Variants in NEGR1 observed in about 807,000 individuals in gnomAD.
NEGR1 encodes the protein IgLON family member 4.
Under a neutral mutation model 40.9 loss-of-function variants are expected in NEGR1, and 10 were observed. That is an observed-to-expected ratio of 0.24 (90% CI 0.15 to 0.42). NEGR1 has a LOEUF of 0.42. Among genes scored for constraint, NEGR1 ranks in the 10% least tolerant of loss-of-function variants. The pLI is 1.00. For synonymous variants in NEGR1, 185 were observed against 166.8 expected, an observed-to-expected ratio of 1.11 and a Z score of -0.84; for missense variants, 352 against 438.9, an observed-to-expected ratio of 0.80 and a Z score of 1.77.
intron 1 of NEGR1, among the ~76,000 whole-genome samples, chr1:71,939,791 T>G (rs954858093): frequency 6.6e-6 from 1 of 152,148 alleles, no homozygotes; most frequent in African/African-American, 2.4e-5. Context: ...TCCGAAACCC[T>G]TTTAAACCAT....
chr1:72,254,968 ATGTC>A (rs1464102151), intron 1 of NEGR1, among the ~76,000 whole-genome samples: 1 of 152,130 alleles, frequency 6.6e-6, no homozygotes, highest in Non-Finnish European at 1.5e-5. Flanking sequence ...AAATTTATAT[ATGTC>A]TATCTACATT....
chr1:71,469,061 T>A (rs545990782), intron 6 of NEGR1, among the ~76,000 whole-genome samples: 15 of 152,186 alleles, frequency 9.9e-5, no homozygotes, highest in African/African-American at 3.6e-4. Flanking sequence ...TTCAAAGTGC[T>A]ATAGTTATTT....
intron 2 of NEGR1, among the ~76,000 whole-genome samples, chr1:71,787,494 A>C (rs1210874042): frequency 1.3e-5 from 2 of 152,206 alleles, no homozygotes; most frequent in African/African-American, 4.8e-5. Flanking sequence ...AGCAGCTACC[A>C]CTGATAATTT....
At chr1:71,414,785 G>C (rs1243475019) in intron 6 of NEGR1, among the ~76,000 whole-genome samples, 1 of 152,086 alleles carries the variant, frequency 6.6e-6, no homozygotes, top group Admixed American at 6.6e-5. Context: ...CATGTGGTAG[G>C]GACCAATGTA....
At chr1:71,589,839 T>A (rs1224708793) in intron 6 of NEGR1, among the ~76,000 whole-genome samples, 1 of 152,086 alleles carries the variant, frequency 6.6e-6, no homozygotes, top group Non-Finnish European at 1.5e-5. Flanking sequence ...TTTGTATCAT[T>A]CCCTTGTTAA....
At chr1:72,262,407 CA>C (rs1557603576) in intron 1 of NEGR1, among the ~76,000 whole-genome samples, 1 of 151,974 alleles carries the variant, frequency 6.6e-6, no homozygotes, top group Non-Finnish European at 1.5e-5. Flanking sequence ...GAGAAGAATA[CA>C]CAGGGTTCAT....
chr1:71,801,746 CA>C (rs1466152937), intron 2 of NEGR1, among the ~76,000 whole-genome samples: 8 of 152,136 alleles, frequency 5.3e-5, no homozygotes, highest in African/African-American at 1.9e-4. Flanking sequence ...CTAATAAAAT[CA>C]ATCAGATTGC....
At chr1:71,914,838 C>T (rs536126448) in intron 2 of NEGR1, among the ~76,000 whole-genome samples, 1 of 151,978 alleles carries the variant, frequency 6.6e-6, no homozygotes, top group South Asian at 2.1e-4. Context: ...ATGTTGTTTC[C>T]CTTTTCAGTG....
chr1:72,163,072 A>C (rs1163865199), intron 1 of NEGR1, among the ~76,000 whole-genome samples: 1 of 152,150 alleles, frequency 6.6e-6, no homozygotes, highest in East Asian at 1.9e-4. Flanking sequence ...CATGTATAAC[A>C]TTTATTAAAT....
chr1:71,523,619 A>G (rs1647179936), intron 6 of NEGR1, among the ~76,000 whole-genome samples: 1 of 151,910 alleles, frequency 6.6e-6, no homozygotes. Flanking sequence ...GACCAGGCAG[A>G]GTCCAAGCAT....
At chr1:71,992,616 CTT>C (rs1491298670) in intron 1 of NEGR1, among the ~76,000 whole-genome samples, 2 of 152,148 alleles carry the variant, frequency 1.3e-5, no homozygotes, top group African/African-American at 4.8e-5. Context: ...TATATGCAGT[CTT>C]TGAAATCTGG....
intron 2 of NEGR1, among the ~76,000 whole-genome samples, chr1:71,799,994 G>A (rs12122691): frequency 0.7 from 106,086 of 152,086 alleles, 40,999 homozygotes; most frequent in Non-Finnish European, 0.85. Context: ...TTACATGTGT[G>A]AGCCACTGCA....
intron 2 of NEGR1, among the ~76,000 whole-genome samples, chr1:71,849,702 A>C (rs1659539638): frequency 6.6e-6 from 1 of 152,166 alleles, no homozygotes. Context: ...GTTTTATTTT[A>C]AGAAATTGCC....
rs1361228332 is a variant in NEGR1, at chr1:71,398,032, C to T, written c.*9414G>A. The T allele has an allele frequency of 6.6e-6, 1 of 152,176 alleles. No individual in the cohort carries two copies. Among genetic ancestry groups the T allele is most frequent in the Non-Finnish European group, 1.5e-5 (1 of 68,058 alleles). 9.4% of individuals were successfully genotyped at this position (152,176 alleles called of 1,614,324 possible). On this transcript the variant is annotated 3_prime_UTR_variant, in exon 7 of 7. Coordinates refer to ENST00000357731, the MANE Select transcript of NEGR1 (RefSeq NM_173808.3). ...TTGGCAGCTTCCACATGGTGTTGAG[C>T]CTGTGGGTGCATGGAAGTCAAAAAT...
At chr1:72,031,921 A>T (rs1385275434) in intron 1 of NEGR1, among the ~76,000 whole-genome samples, 3 of 152,210 alleles carry the variant, frequency 2.0e-5, no homozygotes, top group Non-Finnish European at 4.4e-5. Flanking sequence ...GATGTGCCAA[A>T]TACTTTACAT....
At chr1:71,900,026 C>T (rs1000218535) in intron 2 of NEGR1, among the ~76,000 whole-genome samples, 2 of 152,166 alleles carry the variant, frequency 1.3e-5, no homozygotes, top group Non-Finnish European at 2.9e-5. Flanking sequence ...ATCAATAAAA[C>T]TCTCATCCAA....
At chr1:71,826,499 T>C (rs898357334) in intron 2 of NEGR1, among the ~76,000 whole-genome samples, 2 of 151,904 alleles carry the variant, frequency 1.3e-5, no homozygotes, top group Non-Finnish European at 2.9e-5. Flanking sequence ...CTTAAGTGGG[T>C]CTTTTTTCCT....
At chr1:71,445,360 G>A (rs1245397713) in intron 6 of NEGR1, among the ~76,000 whole-genome samples, 1 of 151,108 alleles carries the variant, frequency 6.6e-6, no homozygotes, top group Non-Finnish European at 1.5e-5. Context: ...AAAGATTGTA[G>A]ATAGTGGGAC....
At chr1:71,903,260 T>G (rs1661187799) in intron 2 of NEGR1, among the ~76,000 whole-genome samples, 1 of 151,998 alleles carries the variant, frequency 6.6e-6, no homozygotes. Context: ...TTATTTTATG[T>G]CTGTTCATAT....
Sources: gnomAD v4.1 joint callset for allele counts (sites outside exome capture counted in the v4.1 genomes callset) on GRCh38, gnomAD v4.1.1 for gene constraint, MANE v1.5 for transcripts, NCBI Gene and HGNC (gene_info 2026-07-23, HGNC 2026-07-21) for gene names.